The following CACNA2D3 variants were observed in gnomAD, a reference collection of about 807,000 sequenced individuals.
CACNA2D3 encodes calcium voltage-gated channel auxiliary subunit alpha2delta 3.
Under a neutral mutation model 160.6 loss-of-function variants are expected in CACNA2D3, and 60 were observed. That is an observed-to-expected ratio of 0.37 (90% CI 0.30 to 0.46). The LOEUF is 0.46. Ranked by LOEUF, CACNA2D3 falls within the 20% of genes least tolerant of loss-of-function variation. The pLI is 1.00. For synonymous variants in CACNA2D3, 558 were observed against 492.9 expected, an observed-to-expected ratio of 1.13 and a Z score of -1.75; for missense variants, 1,205 against 1,365.0, an observed-to-expected ratio of 0.88 and a Z score of 1.85.
intron 2 of CACNA2D3, among the ~76,000 whole-genome samples, chr3:54,161,060 G>T (rs1332477002): frequency 6.6e-6 from 1 of 152,206 alleles, no homozygotes; most frequent in Non-Finnish European, 1.5e-5. Flanking sequence ...GGAAAGGGCT[G>T]TGTGCTGGCA....
chr3:54,770,704 T>C (rs1702305104), intron 13 of CACNA2D3, among the ~76,000 whole-genome samples: 1 of 152,208 alleles, frequency 6.6e-6, no homozygotes, highest in Admixed American at 6.5e-5. Context: ...CATATGTCTG[T>C]TCCCCATGCT....
chr3:54,235,427 A>G (rs1299036172), intron 2 of CACNA2D3, among the ~76,000 whole-genome samples: 1 of 152,184 alleles, frequency 6.6e-6, no homozygotes, highest in African/African-American at 2.4e-5. Context: ...CCAGCACTTC[A>G]CGTGGTGAGA....
At chr3:54,712,109 T>C in intron 11 of CACNA2D3, among the ~76,000 whole-genome samples, 1 of 152,172 alleles carries the variant, frequency 6.6e-6, no homozygotes, top group South Asian at 2.1e-4. Flanking sequence ...CAGGCAAGAG[T>C]ATAAAGCTCT....
At chr3:55,007,320 G>T (rs1157289250) in intron 32 of CACNA2D3, among the ~76,000 whole-genome samples, 1 of 152,098 alleles carries the variant, frequency 6.6e-6, no homozygotes, top group Non-Finnish European at 1.5e-5. Context: ...ATTCGTGGAC[G>T]GCATTAAAAT....
intron 35 of CACNA2D3, among the ~76,000 whole-genome samples, chr3:55,044,811 A>G (rs1170940582): frequency 6.6e-6 from 1 of 151,980 alleles, no homozygotes; most frequent in African/African-American, 2.4e-5. Context: ...CTTGAGATTT[A>G]TTTCTCTTTT....
chr3:54,315,876 A>G (rs958250232), intron 2 of CACNA2D3, among the ~76,000 whole-genome samples: 2 of 152,234 alleles, frequency 1.3e-5, no homozygotes, highest in Non-Finnish European at 2.9e-5. Context: ...ACATTCCCTT[A>G]AAGGAATCTG....
chr3:54,929,036 C>T (rs112524368), intron 27 of CACNA2D3, among the ~76,000 whole-genome samples: 1,725 of 152,248 alleles, frequency 0.011, 12 homozygotes, highest in African/African-American at 0.02. Context: ...ACTGTGTGTA[C>T]GCTTTTATGG....
chr3:54,862,788 C>T (rs1342316045), intron 17 of CACNA2D3, among the ~76,000 whole-genome samples: 3 of 152,030 alleles, frequency 2.0e-5, no homozygotes, highest in Admixed American at 6.6e-5. Flanking sequence ...GGTGGTTAGC[C>T]GTGGCATCTT....
chr3:54,407,067 G>A (rs1214760022), intron 4 of CACNA2D3, among the ~76,000 whole-genome samples: 1 of 152,146 alleles, frequency 6.6e-6, no homozygotes, highest in Non-Finnish European at 1.5e-5. Context: ...CAAGAGCAGT[G>A]GAAGGGTTTA....
chr3:54,433,648 A>G (rs1220537959), intron 4 of CACNA2D3, among the ~76,000 whole-genome samples: 1 of 152,194 alleles, frequency 6.6e-6, no homozygotes, highest in Non-Finnish European at 1.5e-5. Context: ...GGGAGAAGAC[A>G]GACGGCCTGC....
intron 2 of CACNA2D3, among the ~76,000 whole-genome samples, chr3:54,310,692 G>A (rs763522597): frequency 1.3e-5 from 2 of 152,112 alleles, no homozygotes; most frequent in Non-Finnish European, 2.9e-5. Flanking sequence ...TATTGTTGCG[G>A]CAAAAGAATG....
chr3:54,290,942 G>T (rs978794020), intron 2 of CACNA2D3, among the ~76,000 whole-genome samples: 2 of 152,150 alleles, frequency 1.3e-5, no homozygotes, highest in Non-Finnish European at 2.9e-5. Flanking sequence ...AGCATTAGGA[G>T]ATATACCTAA....
chr3:54,461,370 C>G (rs543457893), intron 4 of CACNA2D3, among the ~76,000 whole-genome samples: 24 of 151,050 alleles, frequency 1.6e-4, no homozygotes, highest in East Asian at 3.9e-4. Flanking sequence ...CCTCCTTGTA[C>G]CTCTGGTAGA....
rs919694215 is a variant in CACNA2D3 at position 55,060,772 on chromosome 3, GA to G, written c.2988-12663del. Among the ~76,000 whole-genome samples, 776 of 148,078 alleles carry G rather than the reference GA, an allele frequency of 5.2e-3. 5 individuals carry two copies. The highest frequency in any genetic ancestry group is 6.9e-3 in the Middle Eastern group (2 of 288). ...GATTTACTGAAGACCCTAGTACAAA[GA>G]AAAAAAAAACTTTGAAAAACTAAAA... On this transcript the variant is annotated intron_variant, in intron 35 of 37. Transcript: ENST00000474759.
In CACNA2D3 at chr3:54,646,163, C is replaced by T. The variant is rs1170803129; in HGVS notation, c.1167+3922C>T. On this transcript the variant is annotated intron_variant, in intron 11 of 37. Transcript: ENST00000474759. ...CCTTCCTTCCTTCCCTCCCTCCCTC[C>T]CTCCCTCCCTCCCTCCCTCCCTCCT... 5.0e-4 allele frequency among the ~76,000 whole-genome samples: 12 copies of T among 23,856 alleles called. 1 individual carries two copies. Among genetic ancestry groups the T allele is most frequent in the African/African-American group, 1.2e-3 (9 of 7,348 alleles). 15.7% of individuals were successfully genotyped at this position (23,856 alleles called of 152,430 possible).
chr3:54,252,722 C>A (rs908101254), intron 2 of CACNA2D3, among the ~76,000 whole-genome samples: 1 of 152,154 alleles, frequency 6.6e-6, no homozygotes, highest in Non-Finnish European at 1.5e-5. Context: ...TGTGTCCCCC[C>A]AGCTTGTTTG....
chr3:54,827,523 G>A (rs1703773185), intron 14 of CACNA2D3, among the ~76,000 whole-genome samples: 1 of 152,194 alleles, frequency 6.6e-6, no homozygotes, highest in Non-Finnish European at 1.5e-5. Flanking sequence ...ACATTGCAGT[G>A]TTCAACTAAG....
intron 5 of CACNA2D3, among the ~76,000 whole-genome samples, chr3:54,508,936 G>A (rs1352669918): frequency 6.6e-6 from 1 of 152,252 alleles, no homozygotes; most frequent in South Asian, 2.1e-4. Context: ...CAAGAAAAGG[G>A]CAGAAGTCTG....
At chr3:54,578,158 C>G (rs188594137) in intron 8 of CACNA2D3, among the ~76,000 whole-genome samples, 3 of 152,262 alleles carry the variant, frequency 2.0e-5, no homozygotes, top group Non-Finnish European at 4.4e-5. Flanking sequence ...CTTTAGGGTT[C>G]AATCCTGGTA....
Sources: allele counts gnomAD v4.1 joint callset (sites outside exome capture counted in the v4.1 genomes callset), GRCh38; gene constraint gnomAD v4.1.1; transcripts MANE v1.5; gene names NCBI Gene and HGNC (gene_info 2026-07-23, HGNC 2026-07-21).